Variants in MAPK4 observed in about 807,000 individuals in gnomAD.
MAPK4 encodes mitogen-activated protein kinase 4, also known as Erk3-related.
MAPK4 carries 22 observed loss-of-function variants against 47.7 expected under a neutral mutation model. That is an observed-to-expected ratio of 0.46 (90% CI 0.33 to 0.66). MAPK4 has a LOEUF of 0.66. Ranked by LOEUF, MAPK4 falls within the 30% of genes least tolerant of loss-of-function variation. MAPK4 has a pLI of 0.02. For synonymous variants in MAPK4, 390 were observed against 365.7 expected, an observed-to-expected ratio of 1.07 and a Z score of -0.76; for missense variants, 736 against 831.7, an observed-to-expected ratio of 0.88 and a Z score of 1.42.
intron 1 of MAPK4, among the ~76,000 whole-genome samples, chr18:50,586,912 TGTG>T (rs59984720): frequency 0.04 from 6,146 of 152,288 alleles, 446 homozygotes; most frequent in African/African-American, 0.14. Flanking sequence ...ATTGCCATCT[TGTG>T]GTGACACCTT....
intron 2 of MAPK4, among the ~76,000 whole-genome samples, chr18:50,665,274 A>T (rs1247511213): frequency 2.0e-5 from 3 of 152,134 alleles, no homozygotes; most frequent in African/African-American, 7.2e-5. Context: ...TCTCTTCAGA[A>T]GCTGGGAGTC....
intron 1 of MAPK4, among the ~76,000 whole-genome samples, chr18:50,583,161 C>T (rs547954437): frequency 3.7e-4 from 56 of 151,976 alleles, no homozygotes; most frequent in Non-Finnish European, 4.1e-4. Context: ...AAGAGGGGAC[C>T]CTGAAAGCAG....
chr18:50,657,965 G>T (rs1454130094), intron 1 of MAPK4, among the ~76,000 whole-genome samples: 2 of 152,054 alleles, frequency 1.3e-5, no homozygotes, highest in Non-Finnish European at 2.9e-5. Context: ...TCAGCTACAG[G>T]CCGTGCTAGT....
chr18:50,668,838 G>A (rs936451872), intron 2 of MAPK4, among the ~76,000 whole-genome samples: 1 of 152,234 alleles, frequency 6.6e-6, no homozygotes, highest in Non-Finnish European at 1.5e-5. Context: ...ATGAGTGGCT[G>A]AGCCTGGGTT....
At chr18:50,596,315 A>T (rs755891732) in intron 1 of MAPK4, among the ~76,000 whole-genome samples, 1 of 152,038 alleles carries the variant, frequency 6.6e-6, no homozygotes, top group Non-Finnish European at 1.5e-5. Flanking sequence ...GTGCTATGTT[A>T]TGCCTGGCCC....
At chr18:50,676,833 A>T (rs1218681576) in intron 2 of MAPK4, among the ~76,000 whole-genome samples, 1 of 152,254 alleles carries the variant, frequency 6.6e-6, no homozygotes, top group East Asian at 1.9e-4. Context: ...GAAAAGCAAG[A>T]TACAGAATTA....
intron 1 of MAPK4, among the ~76,000 whole-genome samples, chr18:50,561,424 GGA>G (rs2149353764): frequency 6.6e-6 from 1 of 152,276 alleles, no homozygotes; most frequent in African/African-American, 2.4e-5. Flanking sequence ...TCAATTGAAT[GGA>G]TATGTATTGA....
rs757155966 is a variant in MAPK4 at position 50,715,114 on chromosome 18, C to A, written c.582C>A (p.Tyr194Ter). The change falls in exon 3 of 6, where the codon TAC becomes TAA. Residue 194 changes from tyrosine (Y) to a stop codon, truncating the protein, a stop_gained. Coordinates refer to ENST00000400384, the MANE Select transcript of MAPK4 (RefSeq NM_002747.4). LOFTEE classifies it high-confidence loss of function. ...CAGAAGGGTTGGTAACAAAGTGGTA[C>A]CGTTCCCCACGACTGCTCCTTTCCC... ...YLSEGLVTKWYRSPRLLLSPN... is the reference protein window; with the variant it reads ...YLSEGLVTKW 1 of 1,614,136 alleles carries A rather than the reference C, an allele frequency of 6.2e-7. No homozygotes were observed. The highest frequency in any genetic ancestry group is 8.5e-7 in the Non-Finnish European group (1 of 1,180,026).
intron 1 of MAPK4, among the ~76,000 whole-genome samples, chr18:50,579,705 C>T (rs976435183): frequency 2.0e-5 from 3 of 152,186 alleles, no homozygotes; most frequent in African/African-American, 7.2e-5. Context: ...GGAAGTCTCC[C>T]AGGTACCCTC....
chr18:50,631,864 T>C (rs1289423759), intron 1 of MAPK4, among the ~76,000 whole-genome samples: 2 of 152,228 alleles, frequency 1.3e-5, no homozygotes, highest in Non-Finnish European at 2.9e-5. Context: ...AATACAACTT[T>C]ATCAGCAAGA....
At chr18:50,665,586 C>G (rs1907554459) in intron 2 of MAPK4, among the ~76,000 whole-genome samples, 1 of 152,214 alleles carries the variant, frequency 6.6e-6, no homozygotes, top group South Asian at 2.1e-4. Context: ...CCTCTGCCCT[C>G]CTTTAGCACC....
intron 1 of MAPK4, among the ~76,000 whole-genome samples, chr18:50,614,941 C>G (rs992594721): frequency 2.6e-5 from 4 of 152,212 alleles, no homozygotes; most frequent in Non-Finnish European, 4.4e-5. Context: ...TACTTAAGGG[C>G]TGGCACTGCT....
intron 1 of MAPK4, among the ~76,000 whole-genome samples, chr18:50,644,605 CCCG>C (rs757849426): frequency 5.3e-5 from 8 of 152,110 alleles, no homozygotes; most frequent in Non-Finnish European, 1.0e-4. Flanking sequence ...AAAGCCATTC[CCCG>C]CATCGCCAAA....
intron 1 of MAPK4, among the ~76,000 whole-genome samples, chr18:50,638,613 C>T (rs1436297598): frequency 1.3e-5 from 2 of 152,170 alleles, no homozygotes; most frequent in African/African-American, 2.4e-5. Flanking sequence ...GAGTTGAAAC[C>T]TAAGTCAGCA....
intron 1 of MAPK4, among the ~76,000 whole-genome samples, chr18:50,575,622 A>C (rs1261431016): frequency 6.6e-6 from 1 of 152,160 alleles, no homozygotes; most frequent in Admixed American, 6.5e-5. Flanking sequence ...AACAAAAACA[A>C]AAATTGACAA....
intron 1 of MAPK4, among the ~76,000 whole-genome samples, chr18:50,615,457 C>G (rs1830664084): frequency 1.3e-5 from 2 of 152,142 alleles, no homozygotes; most frequent in African/African-American, 4.8e-5. Flanking sequence ...CTCAGAATGG[C>G]TCCCATTGTG....
chr18:50,590,448 G>A (rs988664208), intron 1 of MAPK4, among the ~76,000 whole-genome samples: 1 of 152,184 alleles, frequency 6.6e-6, no homozygotes, highest in Admixed American at 6.5e-5. Flanking sequence ...TCCAGCAGGA[G>A]CTCAGCTGCT....
intron 1 of MAPK4, among the ~76,000 whole-genome samples, chr18:50,606,153 G>A (rs888193573): frequency 3.9e-5 from 6 of 152,142 alleles, no homozygotes; most frequent in Non-Finnish European, 8.8e-5. Flanking sequence ...AGACAGACAT[G>A]GGGAGAACCC....
chr18:50,605,088 C>T (rs555897644), intron 1 of MAPK4, among the ~76,000 whole-genome samples: 10 of 152,208 alleles, frequency 6.6e-5, no homozygotes, highest in Admixed American at 1.3e-4. Context: ...CACACATCAA[C>T]GCTTTGATGC....
Sources: gnomAD v4.1 joint callset for allele counts (sites outside exome capture counted in the v4.1 genomes callset) on GRCh38, gnomAD v4.1.1 for gene constraint, MANE v1.5 for transcripts, NCBI Gene and HGNC (gene_info 2026-07-23, HGNC 2026-07-21) for gene names.